The following SNX18 variants were observed in gnomAD, a reference collection of about 807,000 sequenced individuals.
SNX18 encodes the protein sorting nexin-18.
In SNX18, 35 loss-of-function variants were observed where a neutral mutation model predicts 48.7. That is an observed-to-expected ratio of 0.72 (90% CI 0.55 to 0.95). SNX18 has a LOEUF of 0.95. SNX18 is among the 40% of genes least tolerant of loss of function. The probability of loss-of-function intolerance (pLI) is 0.00; values close to 1 mark genes in which losing one functional copy is unlikely to be tolerated. For synonymous variants in SNX18, 492 were observed against 384.7 expected, an observed-to-expected ratio of 1.28 and a Z score of -3.26; for missense variants, 824 against 871.0, an observed-to-expected ratio of 0.95 and a Z score of 0.68.
chr5:54,613,530 T>G, the SNX18 span, among the ~76,000 whole-genome samples: 1 of 152,192 alleles, frequency 6.6e-6, no homozygotes, highest in African/African-American at 2.4e-5. Context: ...CACCTCTCAG[T>G]GCTGTTGCAT....
chr5:54,581,231 C>T, the SNX18 span, among the ~76,000 whole-genome samples: 1 of 152,182 alleles, frequency 6.6e-6, no homozygotes, highest in African/African-American at 2.4e-5. Context: ...TGAACAGATC[C>T]TGAATAAATA....
intron 1 of SNX18, chr5:54,519,929 T>C (rs1262674170): frequency 2.8e-6 from 3 of 1,061,740 alleles, no homozygotes; most frequent in Admixed American, 2.6e-5. Context: ...GTTAGGTATC[T>C]GTTTGAACAC....
At chr5:54,560,064 G>T in the SNX18 span, among the ~76,000 whole-genome samples, 1 of 152,276 alleles carries the variant, frequency 6.6e-6, no homozygotes, top group East Asian at 1.9e-4. Context: ...GAAAGACAGT[G>T]TGGCGATTCC....
the SNX18 span, among the ~76,000 whole-genome samples, chr5:54,610,625 A>G: frequency 6.6e-6 from 1 of 152,238 alleles, no homozygotes; most frequent in South Asian, 2.1e-4. Context: ...TATTTGCATA[A>G]TGTTATTGCT....
At chr5:54,528,793 G>A (rs1467268449) in intron 1 of SNX18, among the ~76,000 whole-genome samples, 1 of 152,196 alleles carries the variant, frequency 6.6e-6, no homozygotes, top group Non-Finnish European at 1.5e-5. Flanking sequence ...TTGAAAACAA[G>A]TGGAAGTTTG....
the SNX18 span, among the ~76,000 whole-genome samples, chr5:54,614,645 A>G: frequency 1.3e-5 from 2 of 152,130 alleles, no homozygotes; most frequent in East Asian, 3.9e-4. Flanking sequence ...CATCTCTACA[A>G]AAAAATAAAG....
chr5:54,540,607 AT>A (rs1762450234), intron 1 of SNX18, among the ~76,000 whole-genome samples: 1 of 152,228 alleles, frequency 6.6e-6, no homozygotes, highest in Non-Finnish European at 1.5e-5. Flanking sequence ...TGGTGAACTA[AT>A]TTGGAGTTTG....
chr5:54,520,597 C>G (rs530486020), intron 1 of SNX18: 1 of 167,046 alleles, frequency 6.0e-6, no homozygotes, highest in South Asian at 2.1e-4. Flanking sequence ...TGCTCACTGC[C>G]TTTCTGGTGG....
At chr5:54,611,794 G>C in the SNX18 span, among the ~76,000 whole-genome samples, 1 of 152,132 alleles carries the variant, frequency 6.6e-6, no homozygotes, top group Non-Finnish European at 1.5e-5. Flanking sequence ...ACTGGTTTGA[G>C]GGGGGATGTT....
At position 54,519,124 on chromosome 5, in the gene SNX18, A is replaced by G; in HGVS notation, c.1172A>G (p.Lys391Arg). ...CPSSTDEKAWKQGKRKAEKDE... is the reference protein window; with the variant it reads ...CPSSTDEKAWRQGKRKAEKDE... ...AGCAGCACCGACGAGAAAGCCTGGA[A>G]GCAGGGCAAGAGGAAGGCCGAGAAG... The change falls in exon 1 of 2, where the codon AAG (lysine) becomes AGG (arginine). Residue 391 changes from lysine to arginine, a missense_variant. By Grantham distance (26) the Lys-to-Arg change is conservative. Around this residue, in one of 3 missense-constraint regions of SNX18, gnomAD observed 443 missense variants for 503.6 expected, o/e 0.88. Coordinates refer to ENST00000381410, the MANE Select transcript of SNX18 (RefSeq NM_001102575.2). 1 of 1,614,124 alleles carries G rather than the reference A, an allele frequency of 6.2e-7. No individual in the cohort carries two copies. Among genetic ancestry groups the G allele is most frequent in the Non-Finnish European group, 8.5e-7 (1 of 1,180,018 alleles).
the SNX18 span, among the ~76,000 whole-genome samples, chr5:54,627,301 T>C: frequency 8.5e-5 from 13 of 152,338 alleles, no homozygotes; most frequent in Admixed American, 2.0e-4. Flanking sequence ...GTACTCTTCC[T>C]ATTAGCAGGA....
chr5:54,565,799 A>T, the SNX18 span, among the ~76,000 whole-genome samples: 2 of 152,144 alleles, frequency 1.3e-5, no homozygotes, highest in Admixed American at 1.3e-4. Context: ...GCGAGGGGTA[A>T]ATTTGTACTT....
At chr5:54,519,853 G>A (rs906766539) in intron 1 of SNX18, 1 of 1,572,376 alleles carries the variant, frequency 6.4e-7, no homozygotes, top group South Asian at 1.2e-5. Context: ...TTGAATAGTT[G>A]AGTAATGAGC....
the SNX18 span, among the ~76,000 whole-genome samples, chr5:54,606,556 G>T: frequency 6.6e-6 from 1 of 152,134 alleles, no homozygotes; most frequent in African/African-American, 2.4e-5. Context: ...ACTCATTCTT[G>T]CTCTTCGTCC....
the SNX18 span, among the ~76,000 whole-genome samples, chr5:54,631,145 T>C: frequency 6.6e-6 from 1 of 152,222 alleles, no homozygotes; most frequent in East Asian, 1.9e-4. Flanking sequence ...ATTTATATCA[T>C]CCTGCCATCT....
chr5:54,611,768 A>T, the SNX18 span, among the ~76,000 whole-genome samples: 1 of 152,182 alleles, frequency 6.6e-6, no homozygotes, highest in African/African-American at 2.4e-5. Flanking sequence ...GCTGGAAATG[A>T]TGGGGAAGCA....
chr5:54,551,203 G>C (rs1339399865), downstream of SNX18, among the ~76,000 whole-genome samples: 1 of 152,092 alleles, frequency 6.6e-6, no homozygotes, highest in Non-Finnish European at 1.5e-5. Context: ...TTGGACAGTG[G>C]ACTCAATGAT....
At position 54,519,814 on chromosome 5, in the gene SNX18, C is replaced by T. The variant is rs1048389848; in HGVS notation, c.1621+241C>T. The stretch of plus-strand genomic sequence containing the variant: ...TCTTTCTCGAAGGTTCAAAGAGTAC[C>T]TTTGATGACAGTGCTATCATTTTAG... On this transcript the variant is annotated intron_variant, in intron 1 of 1. Transcript: ENST00000381410. The T allele has an allele frequency of 5.0e-6, 8 of 1,608,610 alleles. No homozygotes were observed. The highest frequency in any genetic ancestry group is 1.7e-5 in the Admixed American group (1 of 59,558).
intron 1 of SNX18, among the ~76,000 whole-genome samples, chr5:54,532,306 G>GT: frequency 1.9e-5 from 2 of 107,158 alleles, no homozygotes; most frequent in African/African-American, 6.5e-5. Flanking sequence ...ATCTATTGTT[G>GT]CTTTTTTTTT....
Sources: gnomAD v4.1 joint callset for allele counts (sites outside exome capture counted in the v4.1 genomes callset) on GRCh38, gnomAD v4.1.1 for gene constraint, gnomAD v4.1.1 regional missense constraint, MANE v1.5 for transcripts, NCBI Gene and HGNC (gene_info 2026-07-23, HGNC 2026-07-21) for gene names.